The following TBCA variants were observed in gnomAD, a reference collection of about 807,000 sequenced individuals.
The protein encoded by TBCA is tubulin folding cofactor A.
In TBCA, 6 loss-of-function variants were observed where a neutral mutation model predicts 15.8. That is an observed-to-expected ratio of 0.38 (90% CI 0.21 to 0.75). The LOEUF (loss-of-function observed/expected upper bound fraction) is 0.75, where lower values mean the gene tolerates loss of function less well. Ranked by LOEUF, TBCA falls within the 30% of genes least tolerant of loss-of-function variation. The pLI is 0.46. For missense variants in TBCA, 90 were observed against 131.2 expected, an observed-to-expected ratio of 0.69 and a Z score of 1.53; for synonymous variants, 32 against 42.3, an observed-to-expected ratio of 0.76 and a Z score of 0.94.
chr5:77,721,517 T>C (rs1746527779), intron 1 of TBCA, among the ~76,000 whole-genome samples: 1 of 150,730 alleles, frequency 6.6e-6, no homozygotes, highest in East Asian at 1.9e-4. Flanking sequence ...TTACAAATAA[T>C]TTTCACACAA....
intron 1 of TBCA, among the ~76,000 whole-genome samples, chr5:77,719,580 T>G (rs966640534): frequency 2.6e-5 from 4 of 152,246 alleles, no homozygotes; most frequent in Non-Finnish European, 5.9e-5. Context: ...AGTTCAAGTT[T>G]TATTAATTGC....
intron 1 of TBCA, among the ~76,000 whole-genome samples, chr5:77,763,022 T>C (rs1580136475): frequency 6.6e-6 from 1 of 152,094 alleles, no homozygotes; most frequent in South Asian, 2.1e-4. Context: ...GGCAGGCGGA[T>C]CACGAGGTCA....
chr5:77,756,727 A>G (rs891872087), intron 1 of TBCA, among the ~76,000 whole-genome samples: 3 of 152,152 alleles, frequency 2.0e-5, no homozygotes, highest in Non-Finnish European at 4.4e-5. Context: ...ACCAAGGTCA[A>G]ATCCTTTCAC....
intron 1 of TBCA, among the ~76,000 whole-genome samples, chr5:77,748,628 A>G (rs995748209): frequency 3.9e-5 from 6 of 152,150 alleles, no homozygotes; most frequent in African/African-American, 9.7e-5. Flanking sequence ...AAAGCTAAAC[A>G]TACTTGGGCA....
intron 1 of TBCA, among the ~76,000 whole-genome samples, chr5:77,726,055 T>G (rs1746625484): frequency 6.6e-6 from 1 of 152,232 alleles, no homozygotes; most frequent in Non-Finnish European, 1.5e-5. Context: ...CACATTCAAC[T>G]ACTCTAATAC....
chr5:77,755,812 A>C (rs456197), intron 1 of TBCA, among the ~76,000 whole-genome samples: 94,032 of 151,856 alleles, frequency 0.62, 29,147 homozygotes, highest in African/African-American at 0.64. Flanking sequence ...TGAGACTAGC[A>C]TAACCAACAT....
chr5:77,746,442 A>G (rs954592163), intron 1 of TBCA, among the ~76,000 whole-genome samples: 11 of 152,146 alleles, frequency 7.2e-5, no homozygotes, highest in African/African-American at 2.7e-4. Flanking sequence ...GGGATAAGGG[A>G]AGATTGTCAT....
chr5:77,742,000 C>T (rs1483651100), intron 1 of TBCA, among the ~76,000 whole-genome samples: 1 of 152,130 alleles, frequency 6.6e-6, no homozygotes, highest in East Asian at 1.9e-4. Flanking sequence ...AGAGAGAATA[C>T]GGTATGTTTT....
intron 1 of TBCA, among the ~76,000 whole-genome samples, chr5:77,714,830 T>C (rs978616921): frequency 1.3e-5 from 2 of 152,072 alleles, no homozygotes; most frequent in African/African-American, 4.8e-5. Context: ...CCTCCCAAAG[T>C]GCTGGGATTA....
At chr5:77,753,021 TTAAAAAAA>T (rs1747389381) in intron 1 of TBCA, among the ~76,000 whole-genome samples, 1 of 152,054 alleles carries the variant, frequency 6.6e-6, no homozygotes, top group Non-Finnish European at 1.5e-5. Context: ...AAAGCAACTC[TTAAAAAAA>T]AATTACATTT....
intron 2 of TBCA, among the ~76,000 whole-genome samples, chr5:77,700,592 G>C (rs1280572097): frequency 1.3e-5 from 2 of 152,204 alleles, no homozygotes; most frequent in Non-Finnish European, 2.9e-5. Flanking sequence ...AAGATGTAGA[G>C]AAATTGAATC....
intron 2 of TBCA, among the ~76,000 whole-genome samples, chr5:77,706,828 AG>A (rs1213096401): frequency 2.2e-5 from 3 of 134,922 alleles, no homozygotes; most frequent in African/African-American, 8.3e-5. Flanking sequence ...AAAAAAAAAA[AG>A]AAAGAAAGAA....
At chr5:77,768,723 T>C (rs544027416) in intron 1 of TBCA, among the ~76,000 whole-genome samples, 3 of 152,206 alleles carry the variant, frequency 2.0e-5, no homozygotes, top group South Asian at 2.1e-4. Flanking sequence ...GTTAGACCTA[T>C]GACAAGTTAT....
rs368757670 is a variant in TBCA at position 77,776,306 on chromosome 5, T to C, written c.-49A>G. On this transcript the variant is annotated 5_prime_UTR_variant, in exon 1 of 4. Transcript: ENST00000380377. ...GAGGGGCGGAGAGCCGGGGTAACCG[T>C]GGAGGGCGACGCGCAGAGGCTGCGG... 2.4e-5 allele frequency: 38 copies of C among 1,554,042 alleles called. 1 individual carries two copies. The South Asian group carries it at 2.6e-4, about 11-fold the overall frequency.
chr5:77,738,750 T>C (rs971994357), intron 1 of TBCA, among the ~76,000 whole-genome samples: 2 of 152,074 alleles, frequency 1.3e-5, no homozygotes, highest in Non-Finnish European at 2.9e-5. Context: ...GCCTGGCTAA[T>C]TTTTGTATTT....
At chr5:77,767,963 G>T (rs1205039658) in intron 1 of TBCA, among the ~76,000 whole-genome samples, 1 of 152,158 alleles carries the variant, frequency 6.6e-6, no homozygotes, top group African/African-American at 2.4e-5. Flanking sequence ...TTGTGAATGG[G>T]ATTAAGGCCC....
chr5:77,756,591 C>T (rs751855004), intron 1 of TBCA, among the ~76,000 whole-genome samples: 5 of 151,606 alleles, frequency 3.3e-5, no homozygotes, highest in Non-Finnish European at 5.9e-5. Flanking sequence ...GAATCTTGCC[C>T]GCTAGAATTA....
chr5:77,720,668 CACATCG>C (rs1258255042), intron 1 of TBCA, among the ~76,000 whole-genome samples: 90 of 152,210 alleles, frequency 5.9e-4, no homozygotes, highest in African/African-American at 2.0e-3. Context: ...GAGCTGAGAT[CACATCG>C]CTGCACTCCA....
At chr5:77,705,127 A>G (rs1014467792) in intron 2 of TBCA, among the ~76,000 whole-genome samples, 3 of 152,284 alleles carry the variant, frequency 2.0e-5, no homozygotes, top group Admixed American at 6.5e-5. Context: ...TGATACATAC[A>G]TAACTATAAA....
Sources: allele counts gnomAD v4.1 joint callset (sites outside exome capture counted in the v4.1 genomes callset), GRCh38; gene constraint gnomAD v4.1.1; transcripts MANE v1.5; gene names NCBI Gene and HGNC (gene_info 2026-07-23, HGNC 2026-07-21).